The following KLHL11 variants were observed in gnomAD, a reference collection of about 807,000 sequenced individuals.
KLHL11 encodes kelch like family member 11, also known as kelch-like protein 11.
In KLHL11, 26 loss-of-function variants were observed where a neutral mutation model predicts 56.1. The ratio of observed to expected loss-of-function variants is 0.46; its 90% confidence interval spans 0.34 to 0.64. The LOEUF (loss-of-function observed/expected upper bound fraction) is 0.64. KLHL11 is among the 30% of genes least tolerant of loss of function. The pLI is 0.01. For synonymous variants in KLHL11, 338 were observed against 345.8 expected (o/e 0.98, Z 0.25); for missense variants, 627 against 919.4 (o/e 0.68, Z 4.11).
At position 41,854,372 on chromosome 17, in the gene KLHL11, T is replaced by TGG; in HGVS notation, c.1493_1494dup (p.Ile499ProfsTer15). Reference sequence around the variant, plus strand: ...GCAATGTATACAAACCGGTCTTCAATGGCTAGTGCTTTGACATCTCGAAGA... The same window carrying TGG: ...GCAATGTATACAAACCGGTCTTCAATGGGGCTAGTGCTTTGACATCTCGAAGA... On this transcript the variant is annotated frameshift_variant, in exon 2 of 2. Coordinates refer to ENST00000319121, the MANE Select transcript of KLHL11 (RefSeq NM_018143.3). LOFTEE classifies it high-confidence loss of function. The surrounding 1 kb of genome is among the most constrained non-coding windows in gnomAD (Gnocchi z 4.9). 6.2e-7 allele frequency: 1 copy of TGG among 1,614,200 alleles called. No individual in the cohort carries two copies. Among genetic ancestry groups the TGG allele is most frequent in the Non-Finnish European group, 8.5e-7 (1 of 1,180,040 alleles).
rs111835360 is a variant in KLHL11 at position 41,854,193 on chromosome 17, A to G, written c.1674T>C (p.Phe558=). The change falls in exon 2 of 2, where the codon TTT becomes TTC. Residue 558 remains phenylalanine, a synonymous_variant. Transcript: ENST00000319121. This position sits in a 1 kb window ranked among gnomAD's most constrained non-coding sequence, Gnocchi z 4.9. The stretch of plus-strand genomic sequence containing the variant: ...TGGGACAACATGATGCTGTCTGATA[A>G]AAGTTTGAATTGACCACAGACATTT... The part of the protein sequence containing the change: ...FFQMSVVNSN[F]YQTASCCPKS... The G allele has an allele frequency of 4.8e-5, 78 of 1,614,210 alleles. 1 individual carries two copies. In the African/African-American group the frequency reaches 7.2e-4, roughly 15 times the overall value.
chr17:41,863,526 C>A (rs1053996954), intron 1 of KLHL11, among the ~76,000 whole-genome samples: 5 of 152,208 alleles, frequency 3.3e-5, no homozygotes, highest in African/African-American at 9.6e-5. Flanking sequence ...CAGCACTATT[C>A]ATCAAATCAG....
intron 1 of KLHL11, 92 bp downstream of exon 1, chr17:41,864,734 C>T: frequency 3.1e-6 from 4 of 1,288,784 alleles, no homozygotes; most frequent in Non-Finnish European, 4.1e-6. Context: ...GACTCGCGAG[C>T]TGCCGTGGCA....
intron 1 of KLHL11, among the ~76,000 whole-genome samples, chr17:41,855,935 C>T (rs35663736): frequency 0.041 from 6,234 of 151,484 alleles, 443 homozygotes; most frequent in African/African-American, 0.14. Flanking sequence ...CTCGGCCTCC[C>T]GAAGTGCTGG....
Position 41,854,670 on chromosome 17 carries a change from T to C in KLHL11, c.1197A>G (p.Gly399=). 6.2e-7 allele frequency: 1 copy of C among 1,614,182 alleles called. No individual in the cohort carries two copies. The highest frequency in any genetic ancestry group is 8.5e-7 in the Non-Finnish European group (1 of 1,180,032). Residue 399 remains glycine, a synonymous_variant, in exon 2 of 2, where the codon GGA becomes GGG. Coordinates refer to ENST00000319121, the MANE Select transcript of KLHL11 (RefSeq NM_018143.3). The surrounding 1 kb of genome is among the most constrained non-coding windows in gnomAD (Gnocchi z 4.9). ...AGGATTCTGTTACTGCAACAGCATG[T>C]CCATCGAGGTGATTATGAATATGTG... is the stretch of plus-strand genomic sequence containing the variant. The part of the protein sequence containing the change: ...NLPHIHNHLD[G]HAVAVTESYV...
chr17:41,854,858 G>T lies in KLHL11; in HGVS notation c.1009C>A (p.Gln337Lys). The T allele has an allele frequency of 6.2e-7, 1 of 1,614,198 alleles. No homozygotes were observed. Among genetic ancestry groups the T allele is most frequent in the Non-Finnish European group, 8.5e-7 (1 of 1,180,036 alleles). ...ERHALRAENI[Q>K]SGTCQHPTSH... The stretch of plus-strand genomic sequence containing the variant: ...GTGGGGTGCTGGCATGTGCCAGATT[G>T]TATATTCTCAGCTCTCAGAGCATGT... Residue 337 changes from glutamine (Q) to lysine (K), a missense_variant, in exon 2 of 2, where the codon CAA (glutamine) becomes AAA (lysine). Gln to Lys is a moderately conservative substitution (Grantham distance 53). Coordinates refer to ENST00000319121, the MANE Select transcript of KLHL11 (RefSeq NM_018143.3). The surrounding 1 kb of genome is among the most constrained non-coding windows in gnomAD (Gnocchi z 4.9).
chr17:41,850,036 G>C lies in KLHL11; in HGVS notation c.*3704C>G, dbSNP rs140939198. 34 of 152,228 alleles carry C rather than the reference G, an allele frequency of 2.2e-4. No homozygotes were observed. The East Asian group carries it at 6.4e-3, about 29-fold the overall frequency. 9.4% of individuals were successfully genotyped at this position (152,228 alleles called of 1,614,324 possible). A position where few individuals can be genotyped will look rare whatever the true frequency, so the allele number is the denominator to read the frequency against. On this transcript the variant is annotated 3_prime_UTR_variant, in exon 2 of 2. Transcript: ENST00000319121. ...TACATTACCAAAAACAATATTTTAA[G>C]TTTTCTCATCAAAAAGGAAATTTCT...
At chr17:41,860,874 T>G (rs1302247460) in intron 1 of KLHL11, among the ~76,000 whole-genome samples, 1 of 152,130 alleles carries the variant, frequency 6.6e-6, no homozygotes, top group Non-Finnish European at 1.5e-5. Context: ...ACCAGAATAT[T>G]TCACCCCAAA....
chr17:41,864,698 A>T, intron 1 of KLHL11, 128 bp downstream of exon 1: 1 of 975,238 alleles, frequency 1.0e-6, no homozygotes, highest in Non-Finnish European at 1.4e-6. Flanking sequence ...GCGCTCAGCG[A>T]GTGTGAAACC....
At chr17:41,863,856 C>T (rs2048420366) in intron 1 of KLHL11, among the ~76,000 whole-genome samples, 1 of 151,780 alleles carries the variant, frequency 6.6e-6, no homozygotes, top group South Asian at 2.1e-4. Context: ...CACTTCCTCT[C>T]CCCCAGCAGT....
In KLHL11 at chr17:41,853,592, T is replaced by C; in HGVS notation, c.*148A>G. The C allele has an allele frequency of 1.1e-6, 1 of 909,740 alleles. No homozygotes were observed. The highest frequency in any genetic ancestry group is 2.7e-5 in the East Asian group (1 of 37,432). The allele number at this position is 909,740 out of a possible 1,614,324, so 56.4% of individuals were successfully genotyped here. On this transcript the variant is annotated 3_prime_UTR_variant, in exon 2 of 2. Coordinates refer to ENST00000319121, the MANE Select transcript of KLHL11 (RefSeq NM_018143.3). ...TGTATTGAACTGAGTCTCCCATTCTTTAGTTTTTAACTCTATTTCCTTTAT... is the reference window on the plus strand; with the variant it reads ...TGTATTGAACTGAGTCTCCCATTCTCTAGTTTTTAACTCTATTTCCTTTAT...
At chr17:41,862,717 G>C (rs72837403) in intron 1 of KLHL11, among the ~76,000 whole-genome samples, 1 of 152,030 alleles carries the variant, frequency 6.6e-6, no homozygotes, top group African/African-American at 2.4e-5. Context: ...TTACATTCTA[G>C]AGAACCCCAG....
At position 41,854,924 on chromosome 17, in the gene KLHL11, T is replaced by C; in HGVS notation, c.943A>G (p.Asn315Asp). ...HVKPERLVAN[N>D]EVCVKLVADA... The stretch of plus-strand genomic sequence containing the variant: ...GCGACCAACTTGACACAAACTTCAT[T>C]ATTGGCTACCAGCCTCTCTGGTTTG... Residue 315 changes from asparagine (N) to aspartate (D), a missense_variant, in exon 2 of 2, where the codon AAT (asparagine) becomes GAT (aspartate). By Grantham distance (23) the Asn-to-Asp change is conservative. Transcript: ENST00000319121. The surrounding 1 kb of genome is among the most constrained non-coding windows in gnomAD (Gnocchi z 4.9). 6.2e-7 allele frequency: 1 copy of C among 1,614,206 alleles called. No homozygotes were observed. Among genetic ancestry groups the C allele is most frequent in the Non-Finnish European group, 8.5e-7 (1 of 1,180,032 alleles).
chr17:41,850,541 A>C lies in KLHL11; in HGVS notation c.*3199T>G, dbSNP rs1404414269. Reference sequence around the variant, plus strand: ...CATCACACCCTTCCAGTTAAAAACTATTATCGTAGTGAGATACTAAATTAT... The same window carrying C: ...CATCACACCCTTCCAGTTAAAAACTCTTATCGTAGTGAGATACTAAATTAT... On this transcript the variant is annotated 3_prime_UTR_variant, in exon 2 of 2. Coordinates refer to ENST00000319121, the MANE Select transcript of KLHL11 (RefSeq NM_018143.3). 2 of 152,238 alleles carry C rather than the reference A, an allele frequency of 1.3e-5. No individual in the cohort carries two copies. The highest frequency in any genetic ancestry group is 6.5e-5 in the Admixed American group (1 of 15,276). 9.4% of individuals were successfully genotyped at this position (152,238 alleles called of 1,614,324 possible).
rs58265395 is a variant in KLHL11, at chr17:41,863,190, C to CT, written c.545+1635dup. ...CCTCCCCAATGCCACATCCTTTGTT[C>CT]TTTTTTTTTTTTTTTTTTGAGACAG... On this transcript the variant is annotated intron_variant, in intron 1 of 1. Transcript: ENST00000319121. Among the ~76,000 whole-genome samples, 327 of 133,040 alleles carry CT rather than the reference C, an allele frequency of 2.5e-3. 1 individual carries two copies. The highest frequency in any genetic ancestry group is 7.1e-3 in the African/African-American group (256 of 36,166). 87.3% of individuals were successfully genotyped at this position (133,040 alleles called of 152,430 possible).
At position 41,852,752 on chromosome 17, in the gene KLHL11, C is replaced by T. The variant is rs948643742; in HGVS notation, c.*988G>A. Among the ~76,000 whole-genome samples the T allele has an allele frequency of 1.1e-4, 16 of 146,708 alleles. No individual in the cohort carries two copies. The highest frequency in any genetic ancestry group is 1.9e-4 in the Non-Finnish European group (13 of 67,374). On this transcript the variant is annotated 3_prime_UTR_variant, in exon 2 of 2. Transcript: ENST00000319121. ...GTTGCAGTGAGCCGAGATTGCACCA[C>T]TGCACTCCAGCCTGGGCAACATGAG...
At chr17:41,856,308 AATT>A (rs1178784583) in intron 1 of KLHL11, among the ~76,000 whole-genome samples, 2 of 152,086 alleles carry the variant, frequency 1.3e-5, no homozygotes, top group African/African-American at 4.8e-5. Context: ...CATTTAAAAA[AATT>A]ATTATTTTTT....
intron 1 of KLHL11, among the ~76,000 whole-genome samples, chr17:41,864,060 T>A (rs1405228966): frequency 6.6e-6 from 1 of 152,246 alleles, no homozygotes. Flanking sequence ...GAATCCCGCA[T>A]CTGAGCTGAT....
rs782290309 is a variant in KLHL11, at chr17:41,865,014, G to C, written c.357C>G (p.Thr119=). The C allele has an allele frequency of 1.9e-6, 3 of 1,600,996 alleles. No individual in the cohort carries two copies. The highest frequency in any genetic ancestry group is 2.2e-5 in the South Asian group (2 of 89,592). The change falls in exon 1 of 2, where the codon ACC becomes ACG. Residue 119 remains threonine (T), a synonymous_variant. Transcript: ENST00000319121. The part of the protein sequence containing the change: ...RAHRSVLAAA[T]EYFTPLLSGQ... ...CCGAGAGCAGGGGCGTGAAGTACTCGGTGGCGGCAGCCAGTACCGAGCGGT... is the reference window on the plus strand; with the variant it reads ...CCGAGAGCAGGGGCGTGAAGTACTCCGTGGCGGCAGCCAGTACCGAGCGGT...
Sources: gnomAD v4.1 joint callset for allele counts (sites outside exome capture counted in the v4.1 genomes callset) on GRCh38, gnomAD v4.1.1 for gene constraint, Gnocchi (gnomAD v3.1) non-coding constraint, MANE v1.5 for transcripts, NCBI Gene and HGNC (gene_info 2026-07-23, HGNC 2026-07-21) for gene names.